CHST15: variants seen among roughly 807,000 people sequenced by gnomAD.
CHST15 encodes carbohydrate sulfotransferase 15.
In CHST15, 30 loss-of-function variants were observed where a neutral mutation model predicts 53.6. The ratio of observed to expected loss-of-function variants is 0.56; its 90% CI spans 0.42 to 0.76. The LOEUF (loss-of-function observed/expected upper bound fraction) is 0.76. Among genes scored for constraint, CHST15 ranks in the 30% least tolerant of loss-of-function variants. CHST15 has a pLI of 0.00. For synonymous variants in CHST15, 296 were observed against 289.8 expected, an observed-to-expected ratio of 1.02 and a Z score of -0.22; for missense variants, 627 against 740.5, an observed-to-expected ratio of 0.85 and a Z score of 1.78.
At chr10:124,066,250 G>A (rs1350411840) in intron 1 of CHST15, among the ~76,000 whole-genome samples, 5 of 152,146 alleles carry the variant, frequency 3.3e-5, no homozygotes, top group African/African-American at 1.2e-4. Context: ...AGAGCTTTGA[G>A]CGTCGACCAG....
chr10:124,017,508 ATG>A (rs34591817), intron 6 of CHST15, among the ~76,000 whole-genome samples: 36,325 of 152,044 alleles, frequency 0.24, 4,603 homozygotes, highest in Middle Eastern at 0.37. Flanking sequence ...AAAAGGCACA[ATG>A]TGGTAGAAAC....
chr10:124,038,427 G>A (rs1238010353), intron 5 of CHST15, 88 bp downstream of exon 5: 3 of 1,493,812 alleles, frequency 2.0e-6, no homozygotes, highest in African/African-American at 2.8e-5. Context: ...TTCTAAAGGA[G>A]ACAAAATCTT....
At position 124,008,402 on chromosome 10, in the gene CHST15, A is replaced by C. The variant is rs953059696; in HGVS notation, c.*1747T>G. ...ATAAATATACACACACACTGAAGTGATCTCTCCCTAAAGCATCCTTGTGCT... is the reference window on the plus strand; with the variant it reads ...ATAAATATACACACACACTGAAGTGCTCTCTCCCTAAAGCATCCTTGTGCT... On this transcript the variant is annotated 3_prime_UTR_variant, in exon 8 of 8. Transcript: ENST00000435907. The C allele has an allele frequency of 3.0e-6, 3 of 998,390 alleles. No individual in the cohort carries two copies. The highest frequency in any genetic ancestry group is 3.5e-5 in the African/African-American group (2 of 57,714). 61.8% of individuals were successfully genotyped at this position (998,390 alleles called of 1,614,324 possible).
At chr10:124,012,564 A>G in intron 6 of CHST15, 84 bp from the exon 7 acceptor site, 1 of 1,413,252 alleles carries the variant, frequency 7.1e-7, no homozygotes, top group Middle Eastern at 1.9e-4. Context: ...ATGGCATTTC[A>G]CTGTACCACA....
chr10:124,008,161 G>A lies in CHST15; in HGVS notation c.*1988C>T, dbSNP rs904788701. ...CACCACATGTTATTCACATGCATAG[G>A]AGTGCATAAGAAAAATCCCTTGTTG... On this transcript the variant is annotated 3_prime_UTR_variant, in exon 8 of 8. Coordinates refer to ENST00000435907, the MANE Select transcript of CHST15 (RefSeq NM_001270764.2). The A allele has an allele frequency of 2.4e-6, 3 of 1,230,726 alleles. No homozygotes were observed. Among genetic ancestry groups the A allele is most frequent in the Non-Finnish European group, 3.0e-6 (3 of 987,566 alleles). 76.2% of individuals were successfully genotyped at this position (1,230,726 alleles called of 1,614,324 possible).
chr10:124,044,428 G>T, intron 3 of CHST15, 152 bp downstream of exon 3: 2 of 627,526 alleles, frequency 3.2e-6, no homozygotes, highest in Non-Finnish European at 2.6e-6. Flanking sequence ...TCCAGACCCT[G>T]CTGGGTCTTT....
chr10:124,050,077 G>A (rs2134033989), intron 1 of CHST15, among the ~76,000 whole-genome samples: 1 of 152,134 alleles, frequency 6.6e-6, no homozygotes, highest in East Asian at 1.9e-4. Context: ...ACATAAAACT[G>A]TCTTACATTT....
At chr10:124,030,745 C>CA (rs1229850602) in intron 5 of CHST15, among the ~76,000 whole-genome samples, 4 of 152,226 alleles carry the variant, frequency 2.6e-5, no homozygotes, top group African/African-American at 9.6e-5. Flanking sequence ...CCAGGGCTTT[C>CA]AATCAGTGCT....
intron 6 of CHST15, chr10:124,020,004 A>C (rs1237501366): frequency 2.0e-6 from 2 of 985,468 alleles, no homozygotes; most frequent in Non-Finnish European, 2.4e-6. Context: ...AACCTGCCTG[A>C]AGCCCCGTTC....
At chr10:124,039,359 T>C (rs140667549) in intron 4 of CHST15, among the ~76,000 whole-genome samples, 2 of 152,268 alleles carry the variant, frequency 1.3e-5, no homozygotes, top group East Asian at 1.9e-4. Context: ...TGGTACTAGA[T>C]GATTTCCTTC....
At chr10:124,018,195 CCT>C (rs1360984533) in intron 6 of CHST15, among the ~76,000 whole-genome samples, 1 of 152,228 alleles carries the variant, frequency 6.6e-6, no homozygotes, top group Non-Finnish European at 1.5e-5. Flanking sequence ...TCCTGCACCC[CCT>C]GACCCTCAGG....
chr10:124,034,396 T>C (rs1487600366), intron 5 of CHST15, among the ~76,000 whole-genome samples: 1 of 152,078 alleles, frequency 6.6e-6, no homozygotes, highest in Non-Finnish European at 1.5e-5. Flanking sequence ...TCTTGCTCCT[T>C]GCTGAGCCGC....
In CHST15 at chr10:124,009,742, C is replaced by T; in HGVS notation, c.*407G>A. 1 of 1,034,336 alleles carries T rather than the reference C, an allele frequency of 9.7e-7. No individual in the cohort carries two copies. Among genetic ancestry groups the T allele is most frequent in the Non-Finnish European group, 1.2e-6 (1 of 859,150 alleles). 64.1% of individuals were successfully genotyped at this position (1,034,336 alleles called of 1,614,324 possible). A position where few individuals can be genotyped will look rare whatever the true frequency, so the allele number is the denominator to read the frequency against. On this transcript the variant is annotated 3_prime_UTR_variant, in exon 8 of 8. Coordinates refer to ENST00000435907, the MANE Select transcript of CHST15 (RefSeq NM_001270764.2). ...AAAAGGGAACGTGAAGTGTAAGTTC[C>T]AGCCAGGCCTGTGGCATGACCTCTG...
At chr10:124,071,769 G>A (rs573777916) in intron 1 of CHST15, among the ~76,000 whole-genome samples, 50 of 152,302 alleles carry the variant, frequency 3.3e-4, no homozygotes, top group African/African-American at 1.2e-3. Context: ...GACCCAAGCT[G>A]TTCCAAACAT....
At chr10:124,064,513 G>A (rs1462867620) in intron 1 of CHST15, among the ~76,000 whole-genome samples, 1 of 152,106 alleles carries the variant, frequency 6.6e-6, no homozygotes, top group Non-Finnish European at 1.5e-5. Context: ...TGGGGCTTGC[G>A]GCCCGGGAGA....
intron 5 of CHST15, among the ~76,000 whole-genome samples, chr10:124,023,071 G>A (rs912938173): frequency 1.3e-4 from 19 of 151,866 alleles, no homozygotes; most frequent in African/African-American, 2.9e-4. Flanking sequence ...CACCTGCCTC[G>A]GCTTTAAAAT....
chr10:124,046,431 T>C lies in CHST15; in HGVS notation c.-219A>G. 1.9e-6 allele frequency: 1 copy of C among 513,884 alleles called. No individual in the cohort carries two copies. Among genetic ancestry groups the C allele is most frequent in the South Asian group, 3.2e-5 (1 of 31,482 alleles). The allele number at this position is 513,884 out of a possible 1,614,324, so 31.8% of individuals were successfully genotyped here. A position where few individuals can be genotyped will look rare whatever the true frequency, so the allele number is the denominator to read the frequency against. Reference sequence around the variant, plus strand: ...TCCGAAAGAAAACAAAAGGAAGTGATGTCCCAGAGTCATGTTCTACAAGAG... The same window carrying C: ...TCCGAAAGAAAACAAAAGGAAGTGACGTCCCAGAGTCATGTTCTACAAGAG... On this transcript the variant is annotated 5_prime_UTR_variant, in exon 2 of 8. Coordinates refer to ENST00000435907, the MANE Select transcript of CHST15 (RefSeq NM_001270764.2).
At chr10:124,054,792 G>A (rs1475810467) in intron 1 of CHST15, among the ~76,000 whole-genome samples, 1 of 152,222 alleles carries the variant, frequency 6.6e-6, no homozygotes, top group Non-Finnish European at 1.5e-5. Context: ...TACACAAAAT[G>A]CTTAACCCAG....
intron 7 of CHST15, 64 bp downstream of exon 7, chr10:124,012,269 G>A (rs987449932): frequency 3.9e-6 from 6 of 1,557,104 alleles, no homozygotes; most frequent in Non-Finnish European, 5.2e-6. Flanking sequence ...TGCCCCAGAG[G>A]ACTCCCAGAA....
Sources: gnomAD v4.1 joint callset for allele counts (sites outside exome capture counted in the v4.1 genomes callset) on GRCh38, gnomAD v4.1.1 for gene constraint, MANE v1.5 for transcripts, NCBI Gene and HGNC (gene_info 2026-07-23, HGNC 2026-07-21) for gene names.